The following USPL1 variants were observed in gnomAD, a reference collection of about 807,000 sequenced individuals.
USPL1 encodes the protein SUMO-specific isopeptidase USPL1.
In USPL1, 27 loss-of-function variants were observed where a neutral mutation model predicts 51.5. The ratio of observed to expected loss-of-function variants is 0.52; its 90% CI spans 0.39 to 0.72. USPL1 has a LOEUF of 0.72. USPL1 is among the 30% of genes least tolerant of loss of function. The pLI, the probability that USPL1 is intolerant of heterozygous loss-of-function variation, is 0.00. For synonymous variants in USPL1, 451 were observed against 459.6 expected (o/e 0.98, Z 0.24); for missense variants, 1,226 against 1,268.0 (o/e 0.97, Z 0.50).
intron 3 of USPL1, 86 bp from the exon 4 acceptor site, chr13:30,630,749 A>G (rs1950790663): frequency 7.4e-7 from 1 of 1,353,194 alleles, no homozygotes; most frequent in Non-Finnish European, 1.0e-6. Flanking sequence ...CTAACATTCT[A>G]TACATGTTTT....
In USPL1 at chr13:30,642,643, C is replaced by T. The variant is rs1950962887; in HGVS notation, c.998C>T (p.Pro333Leu). The T allele has an allele frequency of 6.2e-7, 1 of 1,612,818 alleles. No individual in the cohort carries two copies. Among genetic ancestry groups the T allele is most frequent in the African/African-American group, 1.3e-5 (1 of 74,800 alleles). The change falls in exon 6 of 9, where the codon CCT becomes CTT. Residue 333 changes from proline (P) to leucine (L), a missense_variant. Pro to Leu is a moderately conservative substitution (Grantham distance 98). Coordinates refer to ENST00000255304, the MANE Select transcript of USPL1 (RefSeq NM_005800.5). ...CTTTTTGAAGGTGATATGGAAAGCC[C>T]TGTGTTTGCATTTCCCCTGCTCTTA... ...LRCTLGDMESPVFAFPLLLKL... is the reference protein window; with the variant it reads ...LRCTLGDMESLVFAFPLLLKL...
chr13:30,639,740 G>A (rs1950922413), intron 5 of USPL1, among the ~76,000 whole-genome samples: 1 of 152,078 alleles, frequency 6.6e-6, no homozygotes, highest in Admixed American at 6.5e-5. Context: ...TTTCAAAGGA[G>A]CTTTTTCCGT....
chr13:30,621,326 T>A, intron 2 of USPL1, 87 bp downstream of exon 2: 1 of 989,330 alleles, frequency 1.0e-6, no homozygotes, highest in Non-Finnish European at 1.5e-6. Context: ...TGTTACCAGT[T>A]AACTTCTAAA....
chr13:30,630,926 A>C lies in USPL1; in HGVS notation c.320A>C (p.Lys107Thr). ...ACTCCACATAAGCCTCAGAAAAGGA[A>C]GAGCTTAGAAAGCAGCTATAAGGAT... is the stretch of plus-strand genomic sequence containing the variant. ...CHTPHKPQKR[K>T]SLESSYKDSL... Residue 107 changes from lysine to threonine, a missense_variant, in exon 4 of 9, where the codon AAG becomes ACG. Transcript: ENST00000255304. 1 of 1,614,082 alleles carries C rather than the reference A, an allele frequency of 6.2e-7. No individual in the cohort carries two copies. The highest frequency in any genetic ancestry group is 8.5e-7 in the Non-Finnish European group (1 of 1,179,958).
At chr13:30,626,287 C>G (rs952518226) in intron 3 of USPL1, among the ~76,000 whole-genome samples, 1 of 151,760 alleles carries the variant, frequency 6.6e-6, no homozygotes, top group Non-Finnish European at 1.5e-5. Flanking sequence ...GCACTCCAGC[C>G]TGGGCGACAG....
In USPL1 at chr13:30,631,436, A is replaced by G; in HGVS notation, c.830A>G (p.Asn277Ser). Residue 277 changes from asparagine to serine, a missense_variant, in exon 4 of 9, where the codon AAT becomes AGT. Asn to Ser is a conservative substitution (Grantham distance 46). Transcript: ENST00000255304. Reference sequence around the variant, plus strand: ...TTGCTTACAAAATATAATCAAGCAAATACACTTCTATATACCAGTCAATTG... The same window carrying G: ...TTGCTTACAAAATATAATCAAGCAAGTACACTTCTATATACCAGTCAATTG... The part of the protein sequence containing the change: ...WRLLTKYNQA[N>S]TLLYTSQLSG... The G allele has an allele frequency of 6.2e-7, 1 of 1,614,120 alleles. No homozygotes were observed. Among genetic ancestry groups the G allele is most frequent in the Admixed American group, 1.7e-5 (1 of 60,024 alleles).
At chr13:30,633,402 T>G (rs1356090796) in intron 4 of USPL1, among the ~76,000 whole-genome samples, 1 of 152,140 alleles carries the variant, frequency 6.6e-6, no homozygotes. Context: ...TAATGGGGGA[T>G]GGATGGTACT....
intron 2 of USPL1, 110 bp from the exon 3 acceptor site, chr13:30,621,654 A>T: frequency 1.2e-6 from 1 of 834,758 alleles, no homozygotes; most frequent in Non-Finnish European, 1.7e-6. Context: ...TTGTCAGGAT[A>T]CTTGTAATTG....
chr13:30,633,109 G>T (rs11839042), intron 4 of USPL1, among the ~76,000 whole-genome samples: 4,007 of 152,118 alleles, frequency 0.026, 117 homozygotes, highest in Middle Eastern at 0.099. Flanking sequence ...TCCCCTTATT[G>T]TAGTTGTACT....
At position 30,657,658 on chromosome 13, in the gene USPL1, A is replaced by C. The variant is rs1951182413; in HGVS notation, c.1581A>C (p.Lys527Asn). 1 of 1,614,068 alleles carries C rather than the reference A, an allele frequency of 6.2e-7. No individual in the cohort carries two copies. The highest frequency in any genetic ancestry group is 8.5e-7 in the Non-Finnish European group (1 of 1,180,006). Residue 527 changes from lysine (K) to asparagine (N), a missense_variant, in exon 9 of 9, where the codon AAA (lysine) becomes AAC (asparagine). Transcript: ENST00000255304. ...TNDQHALSNE[K>N]PVSLTSCSVG... Reference sequence around the variant, plus strand: ...ACCAACACGCTCTCAGTAATGAGAAACCAGTATCTTTAACATCGTGTTCTG... The same window carrying C: ...ACCAACACGCTCTCAGTAATGAGAACCCAGTATCTTTAACATCGTGTTCTG...
chr13:30,627,258 AAC>A (rs1278584829), intron 3 of USPL1, among the ~76,000 whole-genome samples: 3 of 152,336 alleles, frequency 2.0e-5, no homozygotes, highest in Non-Finnish European at 1.5e-5. Flanking sequence ...TGTAAATAGA[AAC>A]AAGTCAGGTA....
At chr13:30,626,576 G>A (rs1380390553) in intron 3 of USPL1, among the ~76,000 whole-genome samples, 2 of 152,080 alleles carry the variant, frequency 1.3e-5, no homozygotes, top group African/African-American at 4.8e-5. Flanking sequence ...GCTGATCCCT[G>A]TATAAGTCCT....
intron 4 of USPL1, among the ~76,000 whole-genome samples, chr13:30,634,746 C>A (rs1950853311): frequency 6.6e-6 from 1 of 152,104 alleles, no homozygotes; most frequent in South Asian, 2.1e-4. Context: ...CTTTCGTGTC[C>A]AAATTTACAA....
rs1951228401 is a variant in USPL1 at position 30,659,571 on chromosome 13, G to T, written c.*215G>T. 4.4e-6 allele frequency: 2 copies of T among 455,720 alleles called. No individual in the cohort carries two copies. Among genetic ancestry groups the T allele is most frequent in the Admixed American group, 7.9e-5 (2 of 25,384 alleles). The allele number at this position is 455,720 out of a possible 1,614,324, so 28.2% of individuals were successfully genotyped here. On this transcript the variant is annotated 3_prime_UTR_variant, in exon 9 of 9. Coordinates refer to ENST00000255304, the MANE Select transcript of USPL1 (RefSeq NM_005800.5). ...GTGTTCTCCTTTTTGGTTTCATTTT[G>T]TTCTTGTGAGAGTATGAGGATTTCA...
At chr13:30,634,932 T>C (rs1950855686) in intron 4 of USPL1, among the ~76,000 whole-genome samples, 1 of 152,230 alleles carries the variant, frequency 6.6e-6, no homozygotes, top group Non-Finnish European at 1.5e-5. Flanking sequence ...TTCCACATTT[T>C]GAAGAGGTTG....
At position 30,658,110 on chromosome 13, in the gene USPL1, CTG is replaced by C. The variant is rs765523135; in HGVS notation, c.2036_2037del (p.Val679GlufsTer2). On this transcript the variant is annotated frameshift_variant, in exon 9 of 9. Coordinates refer to ENST00000255304, the MANE Select transcript of USPL1 (RefSeq NM_005800.5). LOFTEE classifies it low-confidence loss of function (END_TRUNC). ...ACAGAAGATACTGTAAATACTAAAT[CTG>C]TGAATAATACTGATGCTACTGGTCT... 3 of 1,613,538 alleles carry C rather than the reference CTG, an allele frequency of 1.9e-6. No individual in the cohort carries two copies. Among genetic ancestry groups the C allele is most frequent in the Non-Finnish European group, 1.7e-6 (2 of 1,180,004 alleles).
Position 30,658,229 on chromosome 13 carries a change from G to A in USPL1, c.2152G>A (p.Val718Ile), listed in dbSNP as rs369041539. 122 of 1,612,106 alleles carry A rather than the reference G, an allele frequency of 7.6e-5. No homozygotes were observed. Among genetic ancestry groups the A allele is most frequent in the Non-Finnish European group, 9.9e-5 (117 of 1,179,598 alleles). Residue 718 changes from valine to isoleucine, a missense_variant, in exon 9 of 9, where the codon GTC (valine) becomes ATC (isoleucine). Coordinates refer to ENST00000255304, the MANE Select transcript of USPL1 (RefSeq NM_005800.5). ...AACTGAACAATTAAAACCAGAACGT[G>A]TCACATCTCAGGTATCTAATTTGAA... ...PKTEQLKPER[V>I]TSQVSNLKKK... is the part of the protein sequence containing the mutation.
rs777007289 is a variant in USPL1, at chr13:30,630,997, A to G, written c.391A>G (p.Ile131Val). 1.9e-5 allele frequency: 30 copies of G among 1,613,996 alleles called. No individual in the cohort carries two copies. Among genetic ancestry groups the G allele is most frequent in the Non-Finnish European group, 2.4e-5 (28 of 1,180,028 alleles). Residue 131 changes from isoleucine to valine, a missense_variant, in exon 4 of 9, where the codon ATT (isoleucine) becomes GTT (valine). Coordinates refer to ENST00000255304, the MANE Select transcript of USPL1 (RefSeq NM_005800.5). ...NSKKTRNYIA[I>V]DGGKVLNSKH... ...CAAAAAGACTAGAAATTATATTGCTATTGACGGTGGAAAAGTTTTGAACAG... is the reference window on the plus strand; with the variant it reads ...CAAAAAGACTAGAAATTATATTGCTGTTGACGGTGGAAAAGTTTTGAACAG...
At chr13:30,653,753 T>C (rs1267011038) in intron 8 of USPL1, among the ~76,000 whole-genome samples, 1 of 152,232 alleles carries the variant, frequency 6.6e-6, no homozygotes, top group Non-Finnish European at 1.5e-5. Context: ...AACTTCTTAG[T>C]GGAAAGCTAA....
Sources: gnomAD v4.1 joint callset for allele counts (sites outside exome capture counted in the v4.1 genomes callset) on GRCh38, gnomAD v4.1.1 for gene constraint, MANE v1.5 for transcripts, NCBI Gene and HGNC (gene_info 2026-07-23, HGNC 2026-07-21) for gene names.